The following EPHA6 variants were observed in gnomAD, a reference collection of about 807,000 sequenced individuals.
EPHA6 encodes the protein ephrin type-A receptor 6.
In EPHA6, 50 loss-of-function variants were observed where a neutral mutation model predicts 112.0. That is an observed-to-expected ratio of 0.45 (90% CI 0.36 to 0.56). The LOEUF is 0.56. EPHA6 is among the 20% of genes least tolerant of loss of function. EPHA6 has a pLI of 0.00. For synonymous variants in EPHA6, 529 were observed against 490.7 expected (o/e 1.08, Z -1.03); for missense variants, 1,280 against 1,417.4 (o/e 0.90, Z 1.56).
At chr3:97,226,146 ATGTG>A in intron 3 of EPHA6, 114 bp from the exon 4 acceptor site, 1 of 710,662 alleles carries the variant, frequency 1.4e-6, no homozygotes, top group Non-Finnish European at 2.2e-6. Context: ...TTCTCTATGT[ATGTG>A]TAACACTGTA....
chr3:97,370,754 T>A (rs1413660987), intron 5 of EPHA6, among the ~76,000 whole-genome samples: 2 of 152,212 alleles, frequency 1.3e-5, no homozygotes, highest in Non-Finnish European at 2.9e-5. Flanking sequence ...TTGTACTATG[T>A]GAATTATAAG....
chr3:97,260,121 CAT>C (rs2079451814), intron 5 of EPHA6, among the ~76,000 whole-genome samples: 1 of 152,096 alleles, frequency 6.6e-6, no homozygotes, highest in African/African-American at 2.4e-5. Flanking sequence ...TCTTAAGTAA[CAT>C]GTTAAATTAT....
intron 14 of EPHA6, among the ~76,000 whole-genome samples, chr3:97,659,122 C>G (rs975904983): frequency 6.6e-6 from 1 of 151,874 alleles, no homozygotes; most frequent in African/African-American, 2.4e-5. Flanking sequence ...CGAAGTTTCC[C>G]AGACTTAAAT....
intron 10 of EPHA6, among the ~76,000 whole-genome samples, chr3:97,514,154 AG>A (rs1444454465): frequency 1.3e-5 from 2 of 152,168 alleles, no homozygotes; most frequent in Non-Finnish European, 2.9e-5. Context: ...GGCTAAAATC[AG>A]GGTGTTGGCA....
intron 5 of EPHA6, among the ~76,000 whole-genome samples, chr3:97,277,524 G>A (rs2108655490): frequency 6.6e-6 from 1 of 152,282 alleles, no homozygotes; most frequent in Non-Finnish European, 1.5e-5. Context: ...GGATATGATG[G>A]CTTAGCTTGG....
Position 97,753,243 on chromosome 3 carries a change from GC to G in EPHA6, c.*4543del, listed in dbSNP as rs2035943342. ...AGATACGTTTGGCTGTGCTGTCATTGCTTTCAAGTAACTCTCATTATTAAAA... is the reference window on the plus strand; with the variant it reads ...AGATACGTTTGGCTGTGCTGTCATTGTTTCAAGTAACTCTCATTATTAAAA... On this transcript the variant is annotated 3_prime_UTR_variant, in exon 18 of 18. Transcript: ENST00000389672. Among the ~76,000 whole-genome samples the G allele has an allele frequency of 6.6e-6, 1 of 152,026 alleles. No individual in the cohort carries two copies. Among genetic ancestry groups the G allele is most frequent in the Non-Finnish European group, 1.5e-5 (1 of 67,992 alleles).
chr3:97,343,421 A>G (rs2083403253), intron 5 of EPHA6, among the ~76,000 whole-genome samples: 2 of 152,206 alleles, frequency 1.3e-5, no homozygotes, highest in Non-Finnish European at 2.9e-5. Flanking sequence ...AAAATGAAAA[A>G]GGGAAGAAAT....
At chr3:97,183,531 A>G (rs1345092702) in intron 3 of EPHA6, among the ~76,000 whole-genome samples, 1 of 152,182 alleles carries the variant, frequency 6.6e-6, no homozygotes, top group Non-Finnish European at 1.5e-5. Flanking sequence ...AACATCTCAT[A>G]AAAGTTATTC....
chr3:97,086,372 T>C (rs537996644), intron 3 of EPHA6, among the ~76,000 whole-genome samples: 26 of 152,232 alleles, frequency 1.7e-4, no homozygotes, highest in Non-Finnish European at 2.5e-4. Flanking sequence ...GAGCAAGCAT[T>C]CCTCAAATTA....
At chr3:97,545,701 A>C (rs905458804) in intron 11 of EPHA6, among the ~76,000 whole-genome samples, 1 of 152,114 alleles carries the variant, frequency 6.6e-6, no homozygotes, top group Non-Finnish European at 1.5e-5. Context: ...TGGGAGTCTA[A>C]GTCTCTTTGT....
At chr3:97,240,287 AG>A (rs2078806046) in intron 4 of EPHA6, among the ~76,000 whole-genome samples, 1 of 151,870 alleles carries the variant, frequency 6.6e-6, no homozygotes, top group Non-Finnish European at 1.5e-5. Flanking sequence ...TCTTTAACCC[AG>A]ATTAGCATAG....
intron 3 of EPHA6, among the ~76,000 whole-genome samples, chr3:97,184,042 A>G (rs1223918773): frequency 6.6e-6 from 1 of 152,166 alleles, no homozygotes; most frequent in Non-Finnish European, 1.5e-5. Flanking sequence ...ATAGAATTAT[A>G]AAATCATATA....
At chr3:97,340,615 G>A (rs1422517890) in intron 5 of EPHA6, among the ~76,000 whole-genome samples, 2 of 152,218 alleles carry the variant, frequency 1.3e-5, no homozygotes, top group East Asian at 3.9e-4. Context: ...CAGTCTGGGT[G>A]GCTAAAACAT....
intron 10 of EPHA6, among the ~76,000 whole-genome samples, chr3:97,516,650 ATGT>A (rs1020484934): frequency 3.3e-5 from 5 of 152,136 alleles, no homozygotes; most frequent in African/African-American, 9.7e-5. Flanking sequence ...TAAAAATCTA[ATGT>A]TGTATGTTTT....
intron 3 of EPHA6, among the ~76,000 whole-genome samples, chr3:97,111,750 T>C (rs2047730503): frequency 6.6e-6 from 1 of 152,106 alleles, no homozygotes; most frequent in South Asian, 2.1e-4. Context: ...AGCTTTGTGA[T>C]ATTTACATAA....
chr3:96,893,066 C>A (rs1339666902), intron 2 of EPHA6, among the ~76,000 whole-genome samples: 1 of 151,734 alleles, frequency 6.6e-6, no homozygotes, highest in African/African-American at 2.4e-5. Context: ...TATAATCGAG[C>A]TGAAAAATTC....
At chr3:97,544,081 A>G (rs1283206278) in intron 11 of EPHA6, among the ~76,000 whole-genome samples, 1 of 152,020 alleles carries the variant, frequency 6.6e-6, no homozygotes, top group East Asian at 1.9e-4. Flanking sequence ...AATACCCTTT[A>G]TTTCCTTCTC....
chr3:97,105,735 A>C (rs2047547934), intron 3 of EPHA6, among the ~76,000 whole-genome samples: 1 of 152,102 alleles, frequency 6.6e-6, no homozygotes, highest in Non-Finnish European at 1.5e-5. Context: ...TGATCTTTCT[A>C]AATACTGCCA....
At chr3:97,107,696 A>G (rs1425151620) in intron 3 of EPHA6, among the ~76,000 whole-genome samples, 1 of 152,034 alleles carries the variant, frequency 6.6e-6, no homozygotes, top group Non-Finnish European at 1.5e-5. Flanking sequence ...TTCAGAGTCT[A>G]TTTCATGTCC....
Sources: gnomAD v4.1 joint callset for allele counts (sites outside exome capture counted in the v4.1 genomes callset) on GRCh38, gnomAD v4.1.1 for gene constraint, MANE v1.5 for transcripts, NCBI Gene and HGNC (gene_info 2026-07-23, HGNC 2026-07-21) for gene names.